ATP11B: variants seen among roughly 807,000 people sequenced by gnomAD.
ATP11B encodes ATPase phospholipid transporting 11B (putative).
Under a neutral mutation model 157.8 loss-of-function variants are expected in ATP11B, and 81 were observed. That is an observed-to-expected ratio of 0.51 (90% CI 0.43 to 0.62). The LOEUF is 0.62. Ranked by LOEUF, ATP11B falls within the 20% of genes least tolerant of loss-of-function variation. The pLI is 0.00. For missense variants in ATP11B, 1,165 were observed against 1,402.2 expected (o/e 0.83, Z 2.70); for synonymous variants, 451 against 469.4 (o/e 0.96, Z 0.51).
chr3:182,866,545 T>C (rs1721248382), intron 14 of ATP11B, 102 bp downstream of exon 14: 4 of 1,013,978 alleles, frequency 3.9e-6, no homozygotes, highest in Non-Finnish European at 5.4e-6. Flanking sequence ...ATTCGTCATT[T>C]TAAGTTGTCA....
At chr3:182,827,733 T>C (rs1717820930) in intron 2 of ATP11B, among the ~76,000 whole-genome samples, 1 of 151,892 alleles carries the variant, frequency 6.6e-6, no homozygotes, top group Non-Finnish European at 1.5e-5. Context: ...TTGTATCTAG[T>C]ATCTGCATTT....
chr3:182,829,756 T>C lies in ATP11B; in HGVS notation c.315+4T>C, dbSNP rs565240512. On this transcript the variant is annotated splice_donor_region_variant and intron_variant, in intron 4 of 29. Coordinates refer to ENST00000323116, the MANE Select transcript of ATP11B (RefSeq NM_014616.3). ...AACAGTAACTGCCATAAAGCAGGTA[T>C]GAAATACTTTCTTTTTTTAATTTTC... The C allele has an allele frequency of 6.3e-7, 1 of 1,585,258 alleles. No homozygotes were observed. Among genetic ancestry groups the C allele is most frequent in the East Asian group, 2.2e-5 (1 of 44,548 alleles).
chr3:182,876,395 T>G (rs1344641095), intron 19 of ATP11B, among the ~76,000 whole-genome samples: 1 of 152,184 alleles, frequency 6.6e-6, no homozygotes, highest in Admixed American at 6.5e-5. Context: ...ATGCTAATCA[T>G]TAGTATTTGT....
intron 19 of ATP11B, among the ~76,000 whole-genome samples, chr3:182,878,111 A>T (rs1722171358): frequency 6.6e-6 from 1 of 152,160 alleles, no homozygotes; most frequent in African/African-American, 2.4e-5. Flanking sequence ...CAGATATTGG[A>T]GAGTTAGTAG....
At chr3:182,803,010 T>C (rs1347145338) in intron 1 of ATP11B, among the ~76,000 whole-genome samples, 1 of 152,206 alleles carries the variant, frequency 6.6e-6, no homozygotes, top group African/African-American at 2.4e-5. Context: ...GTTCTTTTTT[T>C]CTAATGTATA....
intron 10 of ATP11B, among the ~76,000 whole-genome samples, chr3:182,850,640 T>C (rs1719904316): frequency 6.6e-6 from 1 of 152,202 alleles, no homozygotes. Flanking sequence ...TTGGTGGGCA[T>C]GTAAGTTAGG....
chr3:182,820,280 G>C lies in ATP11B; in HGVS notation c.48G>C (p.Gln16His), dbSNP rs1388103787. The C allele has an allele frequency of 6.2e-7, 1 of 1,613,824 alleles. No individual in the cohort carries two copies. The highest frequency in any genetic ancestry group is 8.5e-7 in the Non-Finnish European group (1 of 1,179,824). ...CTTAGGGTTTTGACCCACCACATCA[G>C]AGTGACACAAGAACCATCTACGTAG... ...RQQLGFDPPH[Q>H]SDTRTIYVAN... Residue 16 changes from glutamine (Q) to histidine (H), a missense_variant, in exon 2 of 30, where the codon CAG becomes CAC. This residue lies in a region of ATP11B where 91 missense variants were observed against 95.8 expected (regional missense o/e 0.95). Coordinates refer to ENST00000323116, the MANE Select transcript of ATP11B (RefSeq NM_014616.3).
chr3:182,801,544 T>C (rs1011976439), intron 1 of ATP11B, among the ~76,000 whole-genome samples: 2 of 152,210 alleles, frequency 1.3e-5, no homozygotes, highest in Non-Finnish European at 2.9e-5. Flanking sequence ...GGGCAAATGG[T>C]ATAATTTATC....
chr3:182,848,394 C>G (rs1719705513), intron 9 of ATP11B, 82 bp from the exon 10 acceptor site: 5 of 817,474 alleles, frequency 6.1e-6, no homozygotes, highest in Non-Finnish European at 8.8e-6. Flanking sequence ...ACACTAAAAG[C>G]TTTCATGCTG....
rs755191168 is a variant in ATP11B, at chr3:182,881,244, AC to A, written c.2509+265del. Among the ~76,000 whole-genome samples, 4 of 152,224 alleles carry A rather than the reference AC, an allele frequency of 2.6e-5. No individual in the cohort carries two copies. The East Asian group carries it at 5.8e-4, about 22-fold the overall frequency. ...AGGTCAGAAGTTCGAGACCAACCTG[AC>A]CAACGTGGTGAAACCCCGTCTCTAC... On this transcript the variant is annotated intron_variant, in intron 21 of 29. Coordinates refer to ENST00000323116, the MANE Select transcript of ATP11B (RefSeq NM_014616.3).
chr3:182,912,129 A>C (rs150969834), intron 28 of ATP11B, among the ~76,000 whole-genome samples: 129 of 152,278 alleles, frequency 8.5e-4, no homozygotes, highest in African/African-American at 3.0e-3. Flanking sequence ...TACAAGGGGT[A>C]AATTTGAGAT....
At chr3:182,860,282 C>T (rs1720736088) in intron 12 of ATP11B, among the ~76,000 whole-genome samples, 1 of 152,134 alleles carries the variant, frequency 6.6e-6, no homozygotes, top group South Asian at 2.1e-4. Context: ...GCTGTTATTG[C>T]ATTGCAGATT....
chr3:182,894,789 T>G (rs1203146187), intron 25 of ATP11B, among the ~76,000 whole-genome samples: 1 of 151,888 alleles, frequency 6.6e-6, no homozygotes, highest in African/African-American at 2.4e-5. Context: ...GGACATGTCC[T>G]TACCACTTCC....
chr3:182,844,884 G>T (rs890210723), intron 8 of ATP11B, among the ~76,000 whole-genome samples: 3 of 150,330 alleles, frequency 2.0e-5, no homozygotes, highest in African/African-American at 7.3e-5. Context: ...TAGTGGCTTT[G>T]TGACTGTATT....
At chr3:182,794,053 C>T (rs994665175) in intron 1 of ATP11B, among the ~76,000 whole-genome samples, 2 of 151,750 alleles carry the variant, frequency 1.3e-5, no homozygotes, top group African/African-American at 4.8e-5. Context: ...GTTACTTCTT[C>T]CCCCTTGCCG....
intron 18 of ATP11B, 128 bp downstream of exon 18, chr3:182,872,665 C>T (rs1309649200): frequency 7.0e-6 from 6 of 852,720 alleles, no homozygotes; most frequent in Non-Finnish European, 1.0e-5. Flanking sequence ...AAGTAGAGAA[C>T]TAAAGCCTTA....
At chr3:182,818,909 C>T (rs2108497131) in intron 1 of ATP11B, among the ~76,000 whole-genome samples, 1 of 145,888 alleles carries the variant, frequency 6.9e-6, no homozygotes, top group Non-Finnish European at 1.5e-5. Context: ...AGCCCATGAC[C>T]ACTATGTAAA....
intron 28 of ATP11B, among the ~76,000 whole-genome samples, chr3:182,910,073 GAA>G (rs34483660): frequency 9.8e-4 from 62 of 63,400 alleles, no homozygotes; most frequent in African/African-American, 2.3e-3. Flanking sequence ...TCGGCCTCCA[GAA>G]AAAAAAAAAA....
At chr3:182,903,272 T>C (rs1427215306) in intron 28 of ATP11B, among the ~76,000 whole-genome samples, 1 of 152,194 alleles carries the variant, frequency 6.6e-6, no homozygotes, top group African/African-American at 2.4e-5. Context: ...TTTTTAGAAA[T>C]TGACACTTTT....
Sources: gnomAD v4.1 joint callset for allele counts (sites outside exome capture counted in the v4.1 genomes callset) on GRCh38, gnomAD v4.1.1 for gene constraint, gnomAD v4.1.1 regional missense constraint, MANE v1.5 for transcripts, NCBI Gene and HGNC (gene_info 2026-07-23, HGNC 2026-07-21) for gene names.